ELFN1: variants seen among roughly 807,000 people sequenced by gnomAD.
The protein encoded by ELFN1 is extracellular leucine rich repeat and fibronectin type III domain containing 1.
A neutral mutation model predicts 7.6 loss-of-function variants in ELFN1; 6 were observed. The ratio of observed to expected loss-of-function variants is 0.79; its 90% CI spans 0.43 to 1.56. The LOEUF is 1.56. Among genes scored for constraint, ELFN1 ranks in the 40% most tolerant of loss-of-function variants. ELFN1 has a pLI of 0.01. For synonymous variants in ELFN1, 657 were observed against 588.1 expected (o/e 1.12, Z -1.70); for missense variants, 1,169 against 1,232.2 (o/e 0.95, Z 0.77).
rs1381221011 is a variant in ELFN1, at chr7:1,745,569, A to T, written c.973A>T (p.Thr325Ser). Residue 325 changes from threonine to serine, a missense_variant, in exon 4 of 4, where the codon ACT becomes TCT. Transcript: ENST00000424383. ...CCCCCTCATCAAGGTCAAGCAGCTC[A>T]CTCAGAACTCGGCCACCATCACCGT... Reference protein sequence around the residue: ...ARPLIKVKQLTQNSATITVQL... With the variant: ...ARPLIKVKQLSQNSATITVQL... 3.9e-6 allele frequency: 6 copies of T among 1,550,426 alleles called. No homozygotes were observed.
chr7:1,733,924 C>T (rs539345901), intron 3 of ELFN1, among the ~76,000 whole-genome samples: 1 of 152,126 alleles, frequency 6.6e-6, no homozygotes, highest in Non-Finnish European at 1.5e-5. Context: ...TCCTGTTCTA[C>T]CACTAGGCTG....
Position 1,670,489 on chromosome 7 carries a change from C to G in ELFN1, c.-549+135C>G, listed in dbSNP as rs1279284549. Among the ~76,000 whole-genome samples, 2 of 151,704 alleles carry G rather than the reference C, an allele frequency of 1.3e-5. No homozygotes were observed. Among genetic ancestry groups the G allele is most frequent in the African/African-American group, 4.8e-5 (2 of 41,336 alleles). On this transcript the variant is annotated intron_variant, in intron 1 of 3. Transcript: ENST00000424383. The surrounding 1 kb of genome is among the most constrained non-coding windows in gnomAD (Gnocchi z 6.4). ...GAGTGCGCAGCGTGCGCCCCCAGCC[C>G]CTGCTGCGCCCCCAGGCCTGGCGCG... is the stretch of plus-strand genomic sequence containing the variant.
In ELFN1 at chr7:1,735,357, T is replaced by G. The variant is rs1347262624; in HGVS notation, c.-293-8947T>G. 6.6e-6 allele frequency among the ~76,000 whole-genome samples: 1 copy of G among 151,978 alleles called. No homozygotes were observed. The highest frequency in any genetic ancestry group is 6.5e-5 in the Admixed American group (1 of 15,268). ...ACTCGGCACCGTTCCCATAGCCCCT[T>G]GACCTTCCCCAGCACTCACCGAGTC... On this transcript the variant is annotated intron_variant, in intron 3 of 3. Coordinates refer to ENST00000424383, the MANE Select transcript of ELFN1 (RefSeq NM_001128636.4). This position sits in a 1 kb window ranked among gnomAD's most constrained non-coding sequence, Gnocchi z 5.9.
upstream of ELFN1, among the ~76,000 whole-genome samples, chr7:1,668,781 G>A (rs1009572020): frequency 6.6e-6 from 1 of 152,268 alleles, no homozygotes; most frequent in Non-Finnish European, 1.5e-5. Context: ...GGCTCTGACC[G>A]TGGTCCAGGT....
chr7:1,747,313 C>CAG lies in ELFN1; in HGVS notation c.*231_*232insGA, dbSNP rs1554257028. ...CGGGTGGCACGTGTCCACACACACA[C>CAG]ACACACACACACACACACACACGAG... On this transcript the variant is annotated 3_prime_UTR_variant, in exon 4 of 4. Coordinates refer to ENST00000424383, the MANE Select transcript of ELFN1 (RefSeq NM_001128636.4). The CAG allele has an allele frequency of 2.5e-3, 698 of 278,328 alleles. 10 individuals are homozygous for CAG. Among genetic ancestry groups the CAG allele is most frequent in the East Asian group, 0.02 (312 of 15,420 alleles). 17.2% of individuals were successfully genotyped at this position (278,328 alleles called of 1,614,324 possible).
chr7:1,694,100 C>T (rs1041845205), intron 2 of ELFN1: 32 of 247,686 alleles, frequency 1.3e-4, no homozygotes, highest in Middle Eastern at 3.2e-3. Context: ...AAAGAGAAAC[C>T]GAGGCTTGAA....
chr7:1,688,835 A>G (rs1384145050), intron 2 of ELFN1, among the ~76,000 whole-genome samples: 1 of 152,098 alleles, frequency 6.6e-6, no homozygotes, highest in African/African-American at 2.4e-5. Context: ...TTTTATAGCC[A>G]TGCCCCCTTC....
At chr7:1,696,482 C>T (rs1488495242) in intron 2 of ELFN1, among the ~76,000 whole-genome samples, 3 of 151,696 alleles carry the variant, frequency 2.0e-5, no homozygotes, top group African/African-American at 7.3e-5. Flanking sequence ...GCCTCCACCT[C>T]CTGGGCTCAA....
intron 2 of ELFN1, among the ~76,000 whole-genome samples, chr7:1,707,998 A>C (rs1304535542): frequency 6.6e-6 from 1 of 152,138 alleles, no homozygotes; most frequent in East Asian, 1.9e-4. Flanking sequence ...GATGCGGCAG[A>C]GCCCAGCACC....
At chr7:1,696,352 G>C (rs190079790) in intron 2 of ELFN1, among the ~76,000 whole-genome samples, 415 of 151,854 alleles carry the variant, frequency 2.7e-3, no homozygotes, top group African/African-American at 9.6e-3. Context: ...GAGACAGGGA[G>C]AGAGAGGGCA....
At position 1,695,735 on chromosome 7, in the gene ELFN1, G is replaced by A. The variant is rs948440130; in HGVS notation, c.-456+7585G>A. ...TGCACTGCAGCCTGGGTGACAGAGC[G>A]AGACTCCGTGTCAAAAAAAAAAAAA... On this transcript the variant is annotated intron_variant, in intron 2 of 3. Coordinates refer to ENST00000424383, the MANE Select transcript of ELFN1 (RefSeq NM_001128636.4). This position sits in a 1 kb window ranked among gnomAD's most constrained non-coding sequence, Gnocchi z 5.1. 8.2e-6 allele frequency among the ~76,000 whole-genome samples: 1 copy of A among 121,788 alleles called. No individual in the cohort carries two copies. Among genetic ancestry groups the A allele is most frequent in the Non-Finnish European group, 1.6e-5 (1 of 62,128 alleles). 79.9% of individuals were successfully genotyped at this position (121,788 alleles called of 152,430 possible). A position where few individuals can be genotyped will look rare whatever the true frequency, so the allele number is the denominator to read the frequency against.
At chr7:1,733,280 T>C (rs1780361779) in intron 3 of ELFN1, among the ~76,000 whole-genome samples, 1 of 152,164 alleles carries the variant, frequency 6.6e-6, no homozygotes, top group South Asian at 2.1e-4. Flanking sequence ...GGACACGCAG[T>C]GCCCGACAGG....
At chr7:1,668,215 T>C (rs916896154), upstream of ELFN1, among the ~76,000 whole-genome samples, 3 of 152,204 alleles carry the variant, frequency 2.0e-5, no homozygotes, top group African/African-American at 7.2e-5. Flanking sequence ...GCAGTACCGG[T>C]CAAGGGCGCT....
intron 3 of ELFN1, among the ~76,000 whole-genome samples, chr7:1,719,259 A>G (rs1348738132): frequency 1.8e-5 from 2 of 110,432 alleles, no homozygotes; most frequent in Admixed American, 8.0e-5. Context: ...GCCCACCAAC[A>G]GGACCCAAGC....
At chr7:1,666,675 G>A (rs1004150843), upstream of ELFN1, among the ~76,000 whole-genome samples, 19 of 151,902 alleles carry the variant, frequency 1.3e-4, no homozygotes, top group South Asian at 3.7e-3. The surrounding 1 kb of genome is among the most constrained non-coding windows in gnomAD (Gnocchi z 7.9). Context: ...AGTGCGCTGG[G>A]GTAGCCGCGG....
At chr7:1,677,684 C>T (rs1448202429) in intron 1 of ELFN1, among the ~76,000 whole-genome samples, 2 of 152,146 alleles carry the variant, frequency 1.3e-5, no homozygotes, top group Non-Finnish European at 2.9e-5. Flanking sequence ...CCACAGTGGG[C>T]AGCCGATGTG....
intron 1 of ELFN1, among the ~76,000 whole-genome samples, chr7:1,687,379 G>A (rs1336035838): frequency 6.6e-6 from 1 of 151,756 alleles, no homozygotes; most frequent in Non-Finnish European, 1.5e-5. Context: ...CTTAAAAAAG[G>A]GTAGCATATG....
intron 3 of ELFN1, among the ~76,000 whole-genome samples, chr7:1,723,297 C>T (rs995461504): frequency 5.9e-5 from 9 of 152,210 alleles, no homozygotes; most frequent in Non-Finnish European, 1.0e-4. Flanking sequence ...CGGTGTTGTG[C>T]GACAGACCTC....
chr7:1,683,985 C>CA (rs931621997), intron 1 of ELFN1, among the ~76,000 whole-genome samples: 1 of 152,022 alleles, frequency 6.6e-6, no homozygotes, highest in African/African-American at 2.4e-5. Context: ...CCTGTCTCTA[C>CA]AAAAAAATTT....
Sources: gnomAD v4.1 joint callset for allele counts (sites outside exome capture counted in the v4.1 genomes callset) on GRCh38, gnomAD v4.1.1 for gene constraint, Gnocchi (gnomAD v3.1) non-coding constraint, MANE v1.5 for transcripts, NCBI Gene and HGNC (gene_info 2026-07-23, HGNC 2026-07-21) for gene names.